The following PCDHA3 variants were observed in gnomAD, a reference collection of about 807,000 sequenced individuals.
The protein encoded by PCDHA3 is protocadherin alpha 3.
In PCDHA3, 41 loss-of-function variants were observed where a neutral mutation model predicts 62.2. That is an observed-to-expected ratio of 0.66 (90% CI 0.51 to 0.86). The LOEUF (loss-of-function observed/expected upper bound fraction) is 0.86, where lower values mean the gene tolerates loss of function less well. PCDHA3 is among the 40% of genes least tolerant of loss of function. The pLI, the probability that PCDHA3 is intolerant of heterozygous loss-of-function variation, is 0.00. For synonymous variants in PCDHA3, 640 were observed against 555.4 expected, an observed-to-expected ratio of 1.15 and a Z score of -2.14; for missense variants, 1,304 against 1,241.2, an observed-to-expected ratio of 1.05 and a Z score of -0.76.
intron 1 of PCDHA3, chr5:140,809,512 T>G: frequency 6.2e-7 from 1 of 1,614,186 alleles, no homozygotes; most frequent in Non-Finnish European, 8.5e-7. Flanking sequence ...TCAGCCCCAG[T>G]TTACCTGACT....
rs1346870417 is a variant in PCDHA3 at position 140,982,634 on chromosome 5, TC to T, written c.2542+72del. 11 of 1,555,302 alleles carry T rather than the reference TC, an allele frequency of 7.1e-6. No homozygotes were observed. In the Admixed American group the frequency reaches 2.2e-4, roughly 30 times the overall value. ...GATCAGATGACCTACTTTTGTAAGATCAGGAATGTTGATGGCTCTTTTTCTT... is the reference window on the plus strand; with the variant it reads ...GATCAGATGACCTACTTTTGTAAGATAGGAATGTTGATGGCTCTTTTTCTT... On this transcript the variant is annotated intron_variant, in intron 3 of 3. Transcript: ENST00000522353.
intron 1 of PCDHA3, chr5:140,829,910 C>T (rs2150177583): frequency 3.7e-6 from 6 of 1,613,984 alleles, no homozygotes; most frequent in South Asian, 3.3e-5. Flanking sequence ...CAACGCGTGG[C>T]TTTCGTATGA....
In PCDHA3 at chr5:141,010,365, A is replaced by G; in HGVS notation, c.*428A>G. 6.8e-7 allele frequency: 1 copy of G among 1,480,028 alleles called. No individual in the cohort carries two copies. The highest frequency in any genetic ancestry group is 1.3e-5 in the South Asian group (1 of 75,134). The allele number at this position is 1,480,028 out of a possible 1,614,324, so 91.7% of individuals were successfully genotyped here. On this transcript the variant is annotated 3_prime_UTR_variant, in exon 4 of 4. Coordinates refer to ENST00000522353, the MANE Select transcript of PCDHA3 (RefSeq NM_018906.3). Reference sequence around the variant, plus strand: ...CTGGGTATGTGTGGCTACCGCGGGTATGCGAGTGCCAGATATTGGCTGAGA... The same window carrying G: ...CTGGGTATGTGTGGCTACCGCGGGTGTGCGAGTGCCAGATATTGGCTGAGA...
chr5:140,876,899 C>G (rs781884794), intron 1 of PCDHA3: 1 of 1,614,092 alleles, frequency 6.2e-7, no homozygotes, highest in South Asian at 1.1e-5. Context: ...CACATCTTCA[C>G]GGTGTCGGCA....
At chr5:140,803,722 G>A (rs1169583815) in intron 1 of PCDHA3, 131 bp downstream of exon 1, 1 of 1,476,096 alleles carries the variant, frequency 6.8e-7, no homozygotes, top group Non-Finnish European at 9.1e-7. Flanking sequence ...CCAGTTTTGT[G>A]GTTTTGTGGT....
chr5:140,998,241 T>C (rs1554256206), intron 3 of PCDHA3, among the ~76,000 whole-genome samples: 1 of 152,194 alleles, frequency 6.6e-6, no homozygotes, highest in African/African-American at 2.4e-5. Context: ...TGCATTATTA[T>C]ACTCATTTTA....
chr5:140,835,567 T>C (rs2150238400), intron 1 of PCDHA3: 1 of 1,613,882 alleles, frequency 6.2e-7, no homozygotes, highest in South Asian at 1.1e-5. Flanking sequence ...CGCGTTCCCT[T>C]CAAGTTGGTG....
intron 1 of PCDHA3, chr5:140,803,975 G>T: frequency 3.2e-6 from 1 of 309,262 alleles, no homozygotes; most frequent in South Asian, 4.7e-5. Flanking sequence ...CTTTTCATTT[G>T]GACTTCCTAC....
chr5:140,801,513 C>G lies in PCDHA3; in HGVS notation c.316C>G (p.Leu106Val), dbSNP rs566462269. The G allele has an allele frequency of 1.4e-5, 23 of 1,614,190 alleles. No individual in the cohort carries two copies. Among genetic ancestry groups the G allele is most frequent in the Middle Eastern group, 1.7e-4 (1 of 6,020 alleles). Reference sequence around the variant, plus strand: ...GCGGAGCGCGGAGTGCAGCATCCACCTGGAGGTGATCGTGGACAGGCCGCT... The same window carrying G: ...GCGGAGCGCGGAGTGCAGCATCCACGTGGAGGTGATCGTGGACAGGCCGCT... ...CGRSAECSIH[L>V]EVIVDRPLQV... The change falls in exon 1 of 4, where the codon CTG (leucine) becomes GTG (valine). Residue 106 changes from leucine (L) to valine (V), a missense_variant. Transcript: ENST00000522353.
intron 1 of PCDHA3, chr5:140,855,854 T>A: frequency 1.5e-6 from 1 of 683,620 alleles, no homozygotes; most frequent in South Asian, 2.3e-5. Flanking sequence ...AGCCACCGGA[T>A]GTCGCTGTCG....
intron 1 of PCDHA3, chr5:140,824,623 T>TGTTTG (rs1562279853): frequency 7.6e-6 from 1 of 132,188 alleles, no homozygotes; most frequent in African/African-American, 3.3e-5. Flanking sequence ...TTTTTTTTTT[T>TGTTTG]TTTTTTTTTA....
chr5:140,846,989 C>T (rs1449097023), intron 1 of PCDHA3, among the ~76,000 whole-genome samples: 1 of 149,196 alleles, frequency 6.7e-6, no homozygotes, highest in Non-Finnish European at 1.5e-5. Flanking sequence ...AAGTTCCCCC[C>T]GGGAGAATAT....
At chr5:140,868,198 C>T (rs1220217511) in intron 1 of PCDHA3, 2 of 152,058 alleles carry the variant, frequency 1.3e-5, no homozygotes, top group East Asian at 1.9e-4. Context: ...CTATGGCTTA[C>T]ATTAGAAATA....
In PCDHA3 at chr5:140,882,450, C is replaced by A. The variant is rs781827745; in HGVS notation, c.2394+78859C>A. On this transcript the variant is annotated intron_variant, in intron 1 of 3. Transcript: ENST00000522353. ...GGGCTGGAGCTGGCGGAGCTGGTGC[C>A]GCGCCTGTTCCGGGTGGCGTCCAAA... The A allele has an allele frequency of 1.7e-5, 28 of 1,613,872 alleles. No individual in the cohort carries two copies. In the East Asian group the frequency reaches 4.5e-4, roughly 26 times the overall value.
At chr5:140,869,447 A>G in intron 1 of PCDHA3, 1 of 1,614,214 alleles carries the variant, frequency 6.2e-7, no homozygotes, top group Non-Finnish European at 8.5e-7. Flanking sequence ...AGGCCGCTGC[A>G]GGTTTTCCAT....
At chr5:140,954,948 G>A (rs1163066790) in intron 1 of PCDHA3, among the ~76,000 whole-genome samples, 2 of 152,204 alleles carry the variant, frequency 1.3e-5, no homozygotes, top group Non-Finnish European at 1.5e-5. Flanking sequence ...GTTAATTTTT[G>A]TATAAGATGT....
chr5:140,808,267 A>AG (rs782560297), intron 1 of PCDHA3: 2 of 1,614,242 alleles, frequency 1.2e-6, no homozygotes, highest in Admixed American at 3.3e-5. Context: ...TTCCAATTAG[A>AG]GAGGACGCTC....
At chr5:141,009,279 A>T (rs2098404369) in intron 3 of PCDHA3, among the ~76,000 whole-genome samples, 1 of 152,124 alleles carries the variant, frequency 6.6e-6, no homozygotes, top group Non-Finnish European at 1.5e-5. Flanking sequence ...ACATAGTGAG[A>T]TCCCATTTCT....
At chr5:140,949,691 T>C (rs2094413493) in intron 1 of PCDHA3, among the ~76,000 whole-genome samples, 1 of 151,872 alleles carries the variant, frequency 6.6e-6, no homozygotes, top group Non-Finnish European at 1.5e-5. Context: ...AAGCGTATTG[T>C]TGGATCTTGC....
Sources: gnomAD v4.1 joint callset for allele counts (sites outside exome capture counted in the v4.1 genomes callset) on GRCh38, gnomAD v4.1.1 for gene constraint, MANE v1.5 for transcripts, NCBI Gene and HGNC (gene_info 2026-07-23, HGNC 2026-07-21) for gene names.